Variants in GATAD2A observed in about 807,000 individuals in gnomAD.
GATAD2A encodes GATA zinc finger domain containing 2A.
In GATAD2A, 12 loss-of-function variants were observed where a neutral mutation model predicts 68.5. The ratio of observed to expected loss-of-function variants is 0.18; its 90% confidence interval spans 0.11 to 0.28. GATAD2A has a LOEUF of 0.28. Among genes scored for constraint, GATAD2A ranks in the 10% least tolerant of loss-of-function variants. The pLI, the probability that GATAD2A is intolerant of heterozygous loss-of-function variation, is 1.00. For synonymous variants in GATAD2A, 410 were observed against 375.3 expected, an observed-to-expected ratio of 1.09 and a Z score of -1.07; for missense variants, 755 against 868.5, an observed-to-expected ratio of 0.87 and a Z score of 1.64.
In GATAD2A at chr19:19,505,780, C is replaced by T; in HGVS notation, c.*306C>T. The stretch of plus-strand genomic sequence containing the variant: ...CCAGCAGAAAAGTGGACCTTGGGGG[C>T]TGGTTCTGCTCCTGGCCCCCTTGTT... On this transcript the variant is annotated 3_prime_UTR_variant, in exon 12 of 12. Coordinates refer to ENST00000683918, the MANE Select transcript of GATAD2A (RefSeq NM_001384528.1). The T allele has an allele frequency of 2.2e-6, 1 of 463,780 alleles. No individual in the cohort carries two copies. Among genetic ancestry groups the T allele is most frequent in the East Asian group, 3.5e-5 (1 of 28,210 alleles). 28.7% of individuals were successfully genotyped at this position (463,780 alleles called of 1,614,324 possible). A position where few individuals can be genotyped will look rare whatever the true frequency, so the allele number is the denominator to read the frequency against.
chr19:19,504,729 G>T (rs1042300771), intron 11 of GATAD2A, among the ~76,000 whole-genome samples: 4 of 148,948 alleles, frequency 2.7e-5, no homozygotes, highest in Non-Finnish European at 5.9e-5. Context: ...CTCTCTTGCA[G>T]CCTGGATCTC....
chr19:19,393,566 C>T (rs567502721), intron 1 of GATAD2A, among the ~76,000 whole-genome samples: 356 of 152,264 alleles, frequency 2.3e-3, no homozygotes, highest in South Asian at 0.014. Context: ...CTTCCAGAAG[C>T]TTACATCTTA....
At chr19:19,415,915 C>T (rs770052215) in intron 1 of GATAD2A, among the ~76,000 whole-genome samples, 6 of 151,890 alleles carry the variant, frequency 4.0e-5, no homozygotes, top group South Asian at 2.1e-4. Flanking sequence ...CACGCCCGGC[C>T]GACTTTACAT....
Position 19,505,874 on chromosome 19 carries a change from G to C in GATAD2A, c.*400G>C, listed in dbSNP as rs1449679271. The C allele has an allele frequency of 2.5e-6, 1 of 400,872 alleles. No homozygotes were observed. Among genetic ancestry groups the C allele is most frequent in the Non-Finnish European group, 4.4e-6 (1 of 227,932 alleles). The allele number at this position is 400,872 out of a possible 1,614,324, so 24.8% of individuals were successfully genotyped here. A position where few individuals can be genotyped will look rare whatever the true frequency, so the allele number is the denominator to read the frequency against. Reference sequence around the variant, plus strand: ...TGCGCATGGGCAAGGCCAGCGCCCGGGGCTTCTGAACCGAGCGGGGTGTTT... The same window carrying C: ...TGCGCATGGGCAAGGCCAGCGCCCGCGGCTTCTGAACCGAGCGGGGTGTTT... On this transcript the variant is annotated 3_prime_UTR_variant, in exon 12 of 12. Coordinates refer to ENST00000683918, the MANE Select transcript of GATAD2A (RefSeq NM_001384528.1).
At chr19:19,500,595 T>C (rs2060463289) in intron 8 of GATAD2A, among the ~76,000 whole-genome samples, 1 of 152,224 alleles carries the variant, frequency 6.6e-6, no homozygotes, top group South Asian at 2.1e-4. Flanking sequence ...TTGCTGCCCC[T>C]GTAGCCTGCT....
Position 19,471,196 on chromosome 19 carries a change from C to T in GATAD2A, c.269+5582C>T, listed in dbSNP as rs2058280340. 2.7e-5 allele frequency among the ~76,000 whole-genome samples: 4 copies of T among 146,178 alleles called. No individual in the cohort carries two copies. The Admixed American group carries it at 2.8e-4, about 10-fold the overall frequency. On this transcript the variant is annotated intron_variant, in intron 2 of 11. Transcript: ENST00000683918. ...GTTTGAACCTGGGAGGCAGAGGTTA[C>T]AGTGAGCCGAGATCGTGCCGCTGTA...
At chr19:19,411,682 T>G (rs2060276) in intron 1 of GATAD2A, among the ~76,000 whole-genome samples, 17,556 of 152,128 alleles carry the variant, frequency 0.12, 1,318 homozygotes, top group Middle Eastern at 0.26. Context: ...AGCTTTCTCT[T>G]ATGTTGGCGG....
intron 1 of GATAD2A, chr19:19,457,254 G>A: frequency 1.0e-6 from 1 of 985,174 alleles, no homozygotes; most frequent in Non-Finnish European, 1.2e-6. Context: ...CATTCTGAGG[G>A]CTCATACCTT....
chr19:19,443,237 C>T (rs1356320586), intron 1 of GATAD2A, among the ~76,000 whole-genome samples: 1 of 152,166 alleles, frequency 6.6e-6, no homozygotes, highest in African/African-American at 2.4e-5. Flanking sequence ...TTCTCCCTAG[C>T]TGCTAGCCCC....
In GATAD2A at chr19:19,494,450, C is replaced by T. The variant is rs554698249; in HGVS notation, c.624+67C>T. On this transcript the variant is annotated intron_variant, in intron 5 of 11. Coordinates refer to ENST00000683918, the MANE Select transcript of GATAD2A (RefSeq NM_001384528.1). ...CTGCTGCTGTCAAGCACAGGCTCCT[C>T]GGGCTCCCAAACAGCCCTGGCCCAG... The T allele has an allele frequency of 1.4e-4, 148 of 1,022,588 alleles. 2 individuals are homozygous for T. The Middle Eastern group carries it at 1.7e-3, about 12-fold the overall frequency. 63.3% of individuals were successfully genotyped at this position (1,022,588 alleles called of 1,614,324 possible). A position where few individuals can be genotyped will look rare whatever the true frequency, so the allele number is the denominator to read the frequency against.
At chr19:19,451,879 C>T (rs770731728) in intron 1 of GATAD2A, among the ~76,000 whole-genome samples, 2 of 152,172 alleles carry the variant, frequency 1.3e-5, no homozygotes, top group Non-Finnish European at 2.9e-5. Flanking sequence ...AGGGTCTTGC[C>T]CCTTTGCCCA....
intron 2 of GATAD2A, among the ~76,000 whole-genome samples, chr19:19,469,939 C>A (rs1217809742): frequency 6.9e-6 from 1 of 145,304 alleles, no homozygotes; most frequent in Non-Finnish European, 1.5e-5. Flanking sequence ...AGAGCTCCGT[C>A]TGTCTCAGAA....
chr19:19,505,894 G>A lies in GATAD2A; in HGVS notation c.*420G>A, dbSNP rs2060846418. On this transcript the variant is annotated 3_prime_UTR_variant, in exon 12 of 12. Transcript: ENST00000683918. ...GCCCGGGGCTTCTGAACCGAGCGGG[G>A]TGTTTCATTTTTTTGCTTTTCCCTG... The A allele has an allele frequency of 5.0e-6, 2 of 399,162 alleles. No homozygotes were observed. The highest frequency in any genetic ancestry group is 8.8e-6 in the Non-Finnish European group (2 of 226,496). The allele number at this position is 399,162 out of a possible 1,614,324, so 24.7% of individuals were successfully genotyped here.
chr19:19,495,604 T>G (rs970605343), intron 5 of GATAD2A, 150 bp from the exon 6 acceptor site: 33 of 683,320 alleles, frequency 4.8e-5, no homozygotes, highest in Admixed American at 1.4e-4. Context: ...ACTGTGCCCA[T>G]CCATAATTTT....
intron 1 of GATAD2A, among the ~76,000 whole-genome samples, chr19:19,424,033 T>G (rs1260061130): frequency 6.6e-6 from 1 of 151,928 alleles, no homozygotes; most frequent in Non-Finnish European, 1.5e-5. Context: ...AAGTGATCCT[T>G]CCACCTCAGC....
intron 1 of GATAD2A, among the ~76,000 whole-genome samples, chr19:19,420,476 C>T (rs1286392729): frequency 3.3e-5 from 5 of 150,008 alleles, no homozygotes; most frequent in East Asian, 3.9e-4. Flanking sequence ...GGACTACAGG[C>T]GCCCGCCACC....
intron 1 of GATAD2A, among the ~76,000 whole-genome samples, chr19:19,412,112 A>G (rs1248425574): frequency 4.1e-5 from 6 of 145,662 alleles, no homozygotes; most frequent in Non-Finnish European, 7.6e-5. Context: ...GGGCTGTCTC[A>G]GGCCGCTTTT....
intron 1 of GATAD2A, among the ~76,000 whole-genome samples, chr19:19,454,412 A>C (rs2056723855): frequency 6.6e-6 from 1 of 151,716 alleles, no homozygotes. Flanking sequence ...AGCCTGGGCA[A>C]CATGGTGAAA....
At position 19,496,135 on chromosome 19, in the gene GATAD2A, G is replaced by A. The variant is rs370944557; in HGVS notation, c.840G>A (p.Gln280=). The stretch of plus-strand genomic sequence containing the variant: ...CCCGGGCGTCGGTGCCCAGTGTGCA[G>A]ATTCAGGGACAGAGGATCATCCAGC... ...LAPRASVPSV[Q]IQGQRIIQQG... Residue 280 remains glutamine, a synonymous_variant, in exon 7 of 12, where the codon CAG becomes CAA. Coordinates refer to ENST00000683918, the MANE Select transcript of GATAD2A (RefSeq NM_001384528.1). 69 of 1,613,634 alleles carry A rather than the reference G, an allele frequency of 4.3e-5. No individual in the cohort carries two copies. Among genetic ancestry groups the A allele is most frequent in the Non-Finnish European group, 5.8e-5 (68 of 1,179,960 alleles).
Sources: allele counts gnomAD v4.1 joint callset (sites outside exome capture counted in the v4.1 genomes callset), GRCh38; gene constraint gnomAD v4.1.1; transcripts MANE v1.5; gene names NCBI Gene and HGNC (gene_info 2026-07-23, HGNC 2026-07-21).